Variants in ADAM20 observed in about 807,000 individuals in gnomAD.
ADAM20 encodes disintegrin and metalloproteinase domain-containing protein 20.
For synonymous variants in ADAM20, 305 were observed against 310.2 expected, an observed-to-expected ratio of 0.98 and a Z score of 0.18; for missense variants, 871 against 883.2, an observed-to-expected ratio of 0.99 and a Z score of 0.18.
chr14:70,557,680 T>C, the ADAM20 span, among the ~76,000 whole-genome samples: 5 of 152,168 alleles, frequency 3.3e-5, no homozygotes, highest in South Asian at 1.0e-3. Flanking sequence ...GACAAGCTTG[T>C]CCATGGGCTG....
Position 70,523,834 on chromosome 14 carries a change from A to T in ADAM20, c.924T>A (p.Leu308=). The change falls in exon 2 of 2, where the codon CTT becomes CTA. Residue 308 remains leucine, a synonymous_variant. Transcript: ENST00000256389. Reference sequence around the variant, plus strand: ...ATATTCCTTTAACATAGGCAACACCAAGCTTCATGCCTTGTGTGTCTTTTA... The same window carrying T: ...ATATTCCTTTAACATAGGCAACACCTAGCTTCATGCCTTGTGTGTCTTTTA... ...LFIKDTQGMK[L]GVAYVKGICQ... 6.2e-7 allele frequency: 1 copy of T among 1,614,042 alleles called. No homozygotes were observed. Among genetic ancestry groups the T allele is most frequent in the South Asian group, 1.1e-5 (1 of 91,080 alleles).
At chr14:70,569,757 A>G in the ADAM20 span, among the ~76,000 whole-genome samples, 2 of 152,140 alleles carry the variant, frequency 1.3e-5, no homozygotes, top group East Asian at 3.9e-4. Context: ...CCTGCACCCA[A>G]TGTCAAAGTA....
At chr14:70,564,831 G>A in the ADAM20 span, among the ~76,000 whole-genome samples, 1 of 141,330 alleles carries the variant, frequency 7.1e-6, no homozygotes, top group African/African-American at 2.6e-5. Context: ...AAGACTGCTT[G>A]AAGCCAGGAT....
the ADAM20 span, among the ~76,000 whole-genome samples, chr14:70,569,885 C>CAAAAAA: frequency 6.6e-4 from 50 of 76,182 alleles, 1 homozygote; most frequent in Non-Finnish European, 7.5e-4. Context: ...AGAAAACTAA[C>CAAAAAA]AAAAAAAAAA....
At chr14:70,571,995 GAA>G in the ADAM20 span, among the ~76,000 whole-genome samples, 1 of 152,062 alleles carries the variant, frequency 6.6e-6, no homozygotes, top group South Asian at 2.1e-4. Context: ...CAAACAAACG[GAA>G]AAACATTCCA....
At chr14:70,541,580 T>C in the ADAM20 span, among the ~76,000 whole-genome samples, 5 of 152,218 alleles carry the variant, frequency 3.3e-5, no homozygotes, top group East Asian at 9.6e-4. Flanking sequence ...GGTACATGTG[T>C]CTAAAAGGTT....
At chr14:70,554,815 T>C in the ADAM20 span, among the ~76,000 whole-genome samples, 2 of 152,262 alleles carry the variant, frequency 1.3e-5, no homozygotes, top group East Asian at 3.9e-4. Flanking sequence ...GTGTCCAGGT[T>C]CTTGGCATCT....
At chr14:70,568,417 G>T in the ADAM20 span, among the ~76,000 whole-genome samples, 4 of 152,292 alleles carry the variant, frequency 2.6e-5, no homozygotes, top group African/African-American at 9.6e-5. Flanking sequence ...TCAAAAATGA[G>T]AAGTAGCAGC....
the ADAM20 span, among the ~76,000 whole-genome samples, chr14:70,575,920 G>C: frequency 6.6e-6 from 1 of 152,140 alleles, no homozygotes; most frequent in Admixed American, 6.5e-5. Context: ...CCCAAGTAGA[G>C]TCAATTAATA....
upstream of ADAM20, among the ~76,000 whole-genome samples, chr14:70,539,766 A>C (rs146948435): frequency 9.4e-3 from 1,429 of 152,290 alleles, 16 homozygotes; most frequent in African/African-American, 0.033. Flanking sequence ...TGTTATGTTA[A>C]AGAATTACTT....
At chr14:70,568,215 G>A in the ADAM20 span, among the ~76,000 whole-genome samples, 17 of 152,234 alleles carry the variant, frequency 1.1e-4, no homozygotes, top group South Asian at 1.0e-3. Context: ...TCAATACATC[G>A]CTACAACAAT....
chr14:70,564,029 G>A, the ADAM20 span, among the ~76,000 whole-genome samples: 5 of 152,228 alleles, frequency 3.3e-5, no homozygotes. Context: ...CCATGAGTGG[G>A]AAGGAGACAG....
the ADAM20 span, among the ~76,000 whole-genome samples, chr14:70,568,085 T>C: frequency 1.3e-5 from 2 of 152,138 alleles, no homozygotes; most frequent in Non-Finnish European, 2.9e-5. Context: ...CAGCCTGAAC[T>C]GCACCACCAA....
chr14:70,543,341 G>GC, the ADAM20 span, among the ~76,000 whole-genome samples: 2 of 152,200 alleles, frequency 1.3e-5, no homozygotes, highest in Non-Finnish European at 2.9e-5. Context: ...GGGTGGAATA[G>GC]CAGACAGAAT....
the ADAM20 span, among the ~76,000 whole-genome samples, chr14:70,566,372 T>C: frequency 1.3e-5 from 2 of 152,010 alleles, no homozygotes; most frequent in Non-Finnish European, 2.9e-5. Context: ...AAATAGACTG[T>C]TAGAAATATG....
rs144800201 is a variant in ADAM20 at position 70,524,476 on chromosome 14, C to T, written c.282G>A (p.Glu94=). The T allele has an allele frequency of 5.4e-4, 864 of 1,614,026 alleles. No individual in the cohort carries two copies. Among genetic ancestry groups the T allele is most frequent in the Non-Finnish European group, 6.9e-4 (811 of 1,179,936 alleles). Residue 94 remains glutamate, a synonymous_variant, in exon 2 of 2, where the codon GAG becomes GAA. Coordinates refer to ENST00000256389, the MANE Select transcript of ADAM20 (RefSeq NM_003814.5). ...AAHLPVFTYT[E]QHALLQDQPF... is the part of the protein sequence containing the mutation. ...GCTGATCCTGGAGCAGGGCATGCTG[C>T]TCTGTGTAGGTGAACACAGGAAGGT...
At chr14:70,536,837 C>T (rs1595025936), upstream of ADAM20, among the ~76,000 whole-genome samples, 1 of 151,838 alleles carries the variant, frequency 6.6e-6, no homozygotes, top group East Asian at 1.9e-4. Flanking sequence ...ACATTCCAAC[C>T]CTGCCATAAA....
chr14:70,534,096 A>C (rs1377796849), intron 1 of ADAM20, among the ~76,000 whole-genome samples: 8 of 147,654 alleles, frequency 5.4e-5, no homozygotes, highest in Non-Finnish European at 1.0e-4. Flanking sequence ...AAAAAAAAAA[A>C]AAAAAAAAAA....
chr14:70,576,083 C>A, the ADAM20 span, among the ~76,000 whole-genome samples: 1 of 151,994 alleles, frequency 6.6e-6, no homozygotes, highest in East Asian at 1.9e-4. Context: ...ATGTATCCAT[C>A]TCAAAAAGTT....
Sources: allele counts gnomAD v4.1 joint callset (sites outside exome capture counted in the v4.1 genomes callset), GRCh38; gene constraint gnomAD v4.1.1; transcripts MANE v1.5; gene names NCBI Gene and HGNC (gene_info 2026-07-23, HGNC 2026-07-21).